The following EML1 variants were observed in gnomAD, a reference collection of about 807,000 sequenced individuals.
EML1 encodes the protein EMAP like 1.
Under a neutral mutation model 110.4 loss-of-function variants are expected in EML1, and 27 were observed. The ratio of observed to expected loss-of-function variants is 0.24; its 90% confidence interval spans 0.18 to 0.34. The LOEUF (loss-of-function observed/expected upper bound fraction) is 0.34. EML1 is among the 10% of genes least tolerant of loss of function. The pLI, the probability that EML1 is intolerant of heterozygous loss-of-function variation, is 1.00. For synonymous variants in EML1, 344 were observed against 385.8 expected (o/e 0.89, Z 1.27); for missense variants, 741 against 1,030.9 (o/e 0.72, Z 3.85).
intron 1 of EML1, among the ~76,000 whole-genome samples, chr14:99,779,699 C>T (rs1325488723): frequency 1.3e-5 from 2 of 152,194 alleles, no homozygotes; most frequent in African/African-American, 2.4e-5. Flanking sequence ...CCCCTGGCTG[C>T]CAATGTTCTG....
chr14:99,832,612 G>A (rs2058477671), intron 1 of EML1, among the ~76,000 whole-genome samples: 1 of 152,180 alleles, frequency 6.6e-6, no homozygotes, highest in Admixed American at 6.5e-5. Context: ...TTTCCCTAAT[G>A]ACTAATGATG....
chr14:99,931,481 G>A (rs182458739), intron 17 of EML1, among the ~76,000 whole-genome samples: 341 of 152,338 alleles, frequency 2.2e-3, no homozygotes, highest in South Asian at 5.0e-3. Context: ...GAAAACAGCC[G>A]TAAGGTTGTC....
intron 1 of EML1, among the ~76,000 whole-genome samples, chr14:99,844,592 T>C (rs1400373220): frequency 6.6e-6 from 1 of 152,222 alleles, no homozygotes; most frequent in South Asian, 2.1e-4. Context: ...ATTTTTGAGA[T>C]AATTCTATGT....
chr14:99,860,581 A>G (rs1454454689), intron 2 of EML1, among the ~76,000 whole-genome samples: 4 of 152,158 alleles, frequency 2.6e-5, no homozygotes, highest in African/African-American at 9.7e-5. Flanking sequence ...AATAATTTTT[A>G]TACATGGTAA....
Position 99,897,309 on chromosome 14 carries a change from A to G in EML1, c.827+15A>G, listed in dbSNP as rs778973874. ...GACGTGAAGTGGTAAGTCCTGAAAC[A>G]GGTCATTCCTGCGACTCAGAAGGCG... On this transcript the variant is annotated intron_variant, in intron 7 of 21. Transcript: ENST00000262233. The G allele has an allele frequency of 2.5e-6, 4 of 1,577,172 alleles. No individual in the cohort carries two copies. The highest frequency in any genetic ancestry group is 3.4e-6 in the Non-Finnish European group (4 of 1,161,108).
At chr14:99,876,781 T>C (rs1348726146) in intron 3 of EML1, among the ~76,000 whole-genome samples, 1 of 152,196 alleles carries the variant, frequency 6.6e-6, no homozygotes, top group Non-Finnish European at 1.5e-5. Flanking sequence ...TCCTCCTTTT[T>C]TGCTTACAGA....
chr14:99,801,250 A>G (rs2057871887), intron 1 of EML1, among the ~76,000 whole-genome samples: 1 of 152,266 alleles, frequency 6.6e-6, no homozygotes, highest in Admixed American at 6.5e-5. Context: ...GCTGATTTCC[A>G]GTGAATACCT....
chr14:99,823,151 G>A (rs770770199), intron 1 of EML1, among the ~76,000 whole-genome samples: 4 of 152,156 alleles, frequency 2.6e-5, no homozygotes, highest in Non-Finnish European at 5.9e-5. Flanking sequence ...GGGGTGGGAC[G>A]GCCAGCTTAT....
At chr14:99,893,555 C>G (rs2059623544) in intron 5 of EML1, among the ~76,000 whole-genome samples, 1 of 152,174 alleles carries the variant, frequency 6.6e-6, no homozygotes, top group Non-Finnish European at 1.5e-5. Flanking sequence ...CTGGGGTGCC[C>G]TCTTGATTTT....
chr14:99,885,593 G>A (rs1483589883), intron 4 of EML1, among the ~76,000 whole-genome samples: 1 of 152,168 alleles, frequency 6.6e-6, no homozygotes, highest in South Asian at 2.1e-4. Flanking sequence ...ACTGGAAGAT[G>A]AGACTTACGC....
intron 1 of EML1, among the ~76,000 whole-genome samples, chr14:99,820,302 G>A (rs1227817168): frequency 6.6e-6 from 1 of 152,168 alleles, no homozygotes; most frequent in African/African-American, 2.4e-5. Context: ...ATGGCACGTT[G>A]CTCTCACTTG....
intron 4 of EML1, among the ~76,000 whole-genome samples, chr14:99,879,741 G>A (rs929471847): frequency 6.6e-6 from 1 of 152,098 alleles, no homozygotes; most frequent in South Asian, 2.1e-4. Flanking sequence ...ATGCTAATGG[G>A]GTGATAATAC....
intron 1 of EML1, among the ~76,000 whole-genome samples, chr14:99,798,878 A>C (rs190955339): frequency 3.9e-5 from 6 of 152,276 alleles, no homozygotes; most frequent in African/African-American, 1.4e-4. Flanking sequence ...GAGCCCTATC[A>C]GATTACAACA....
intron 17 of EML1, among the ~76,000 whole-genome samples, chr14:99,925,316 A>C (rs1227541488): frequency 1.4e-5 from 2 of 145,926 alleles, no homozygotes; most frequent in Non-Finnish European, 3.0e-5. Context: ...GCTGGTGTAC[A>C]CTAGCACAAA....
chr14:99,807,436 C>T (rs1461547523), intron 1 of EML1, among the ~76,000 whole-genome samples: 1 of 152,224 alleles, frequency 6.6e-6, no homozygotes, highest in Admixed American at 6.5e-5. Flanking sequence ...CAATTTAAGG[C>T]GATTGTGACA....
chr14:99,806,440 C>T (rs931846949), intron 1 of EML1, among the ~76,000 whole-genome samples: 2 of 151,742 alleles, frequency 1.3e-5, no homozygotes, highest in Non-Finnish European at 2.9e-5. Flanking sequence ...CTTCAGCCTC[C>T]CGAGTAGCTG....
chr14:99,912,440 C>A (rs2059962279), intron 13 of EML1, among the ~76,000 whole-genome samples: 1 of 152,112 alleles, frequency 6.6e-6, no homozygotes, highest in Non-Finnish European at 1.5e-5. Context: ...TCCAGGAAAT[C>A]GTGAGCAGAC....
chr14:99,753,724 G>A (rs1012822083), intron 1 of EML1, among the ~76,000 whole-genome samples: 1 of 152,186 alleles, frequency 6.6e-6, no homozygotes, highest in Non-Finnish European at 1.5e-5. Context: ...GTGCTCAGTG[G>A]GGGTCTTGCT....
chr14:99,742,659 T>G (rs2057055934), intron 1 of EML1, among the ~76,000 whole-genome samples: 1 of 152,042 alleles, frequency 6.6e-6, no homozygotes, highest in Non-Finnish European at 1.5e-5. Context: ...CTCCATGGGG[T>G]GACCTGGCAG....
Sources: allele counts gnomAD v4.1 joint callset (sites outside exome capture counted in the v4.1 genomes callset), GRCh38; gene constraint gnomAD v4.1.1; transcripts MANE v1.5; gene names NCBI Gene and HGNC (gene_info 2026-07-23, HGNC 2026-07-21).